The following RBFOX1 variants were observed in gnomAD, a reference collection of about 807,000 sequenced individuals.
RBFOX1 encodes the protein RNA binding fox-1 homolog 1.
A neutral mutation model predicts 57.7 loss-of-function variants in RBFOX1; 8 were observed. The observed-to-expected ratio is 0.14, with a 90% confidence interval of 0.08 to 0.25. RBFOX1 has a LOEUF of 0.25. RBFOX1 is among the 10% of genes least tolerant of loss of function. The pLI is 1.00. For missense variants in RBFOX1, 611 were observed against 548.5 expected (o/e 1.11, Z -1.14); for synonymous variants, 326 against 222.4 (o/e 1.47, Z -4.15).
chr16:5,352,411 A>G (rs537247165), intron 1 of RBFOX1, among the ~76,000 whole-genome samples: 1 of 152,330 alleles, frequency 6.6e-6, no homozygotes, highest in East Asian at 1.9e-4. Context: ...AGTTGCGGAC[A>G]TCTACAATGA....
intron 3 of RBFOX1, among the ~76,000 whole-genome samples, chr16:6,847,127 G>A (rs931770813): frequency 6.6e-6 from 1 of 152,116 alleles, no homozygotes; most frequent in Non-Finnish European, 1.5e-5. Flanking sequence ...CTCAGAGATG[G>A]TTCATCCACT....
At chr16:6,331,655 A>G (rs1353715499) in intron 2 of RBFOX1, among the ~76,000 whole-genome samples, 1 of 149,412 alleles carries the variant, frequency 6.7e-6, no homozygotes, top group African/African-American at 2.5e-5. Flanking sequence ...TCTGTTTTCT[A>G]TTCAGTGTTG....
rs550105401 is a variant in RBFOX1, at chr16:7,139,837, T to C, written c.27+87739T>C. Among the ~76,000 whole-genome samples, 3 of 152,140 alleles carry C rather than the reference T, an allele frequency of 2.0e-5. No individual in the cohort carries two copies. The South Asian group carries it at 6.2e-4, about 32-fold the overall frequency. On this transcript the variant is annotated intron_variant, in intron 4 of 15. Transcript: ENST00000550418. The stretch of plus-strand genomic sequence containing the variant: ...TGGACAGAAGACAAGCATTCATGTC[T>C]TAAGGAATGAGGAATTGAGGAGGAA...
chr16:7,579,509 G>T (rs115278633), intron 5 of RBFOX1, among the ~76,000 whole-genome samples: 3,897 of 152,154 alleles, frequency 0.026, 177 homozygotes, highest in African/African-American at 0.089. Flanking sequence ...TTTATTGTCT[G>T]TGTTGCCCTC....
chr16:5,925,017 T>G (rs2058912664), intron 4 of RBFOX1, among the ~76,000 whole-genome samples: 1 of 152,216 alleles, frequency 6.6e-6, no homozygotes. Flanking sequence ...AGGGTCATCC[T>G]GTTATCTGAT....
intron 1 of RBFOX1, among the ~76,000 whole-genome samples, chr16:6,075,318 A>G (rs1187393140): frequency 6.6e-6 from 1 of 152,260 alleles, no homozygotes; most frequent in African/African-American, 2.4e-5. Context: ...TGGAAAATAA[A>G]TAGAGAAATA....
chr16:7,513,914 A>G (rs1318998541), intron 4 of RBFOX1, among the ~76,000 whole-genome samples: 1 of 152,112 alleles, frequency 6.6e-6, no homozygotes, highest in Non-Finnish European at 1.5e-5. Context: ...CTGTTTTTGC[A>G]CCATTTTCAA....
At chr16:6,334,322 A>G (rs766988643) in intron 2 of RBFOX1, among the ~76,000 whole-genome samples, 1 of 152,072 alleles carries the variant, frequency 6.6e-6, no homozygotes, top group African/African-American at 2.4e-5. Context: ...AGCCTGGGCA[A>G]CATGGTGAAA....
At chr16:7,135,149 T>C (rs1444200877) in intron 4 of RBFOX1, among the ~76,000 whole-genome samples, 1 of 152,162 alleles carries the variant, frequency 6.6e-6, no homozygotes, top group Non-Finnish European at 1.5e-5. Context: ...AATTTCTGAG[T>C]TCGTGTTTAT....
chr16:5,276,316 GA>G, intron 1 of RBFOX1, among the ~76,000 whole-genome samples: 1 of 152,116 alleles, frequency 6.6e-6, no homozygotes, highest in Admixed American at 6.5e-5. Context: ...AATCTACAGG[GA>G]ACTCTAATCA....
intron 4 of RBFOX1, among the ~76,000 whole-genome samples, chr16:7,465,915 C>A (rs984158088): frequency 6.6e-6 from 1 of 152,180 alleles, no homozygotes; most frequent in Non-Finnish European, 1.5e-5. Context: ...TCTCATGGTG[C>A]TTCTCTAAGC....
At chr16:6,884,965 C>A (rs1260796166) in intron 3 of RBFOX1, among the ~76,000 whole-genome samples, 1 of 152,268 alleles carries the variant, frequency 6.6e-6, no homozygotes, top group East Asian at 1.9e-4. Context: ...GAGACCGCAA[C>A]CCAGATCTAT....
chr16:5,697,008 A>G (rs4566172), intron 3 of RBFOX1, among the ~76,000 whole-genome samples: 144,612 of 152,246 alleles, frequency 0.95, 68,756 homozygotes, highest in Non-Finnish European at 0.96. Context: ...TGCCTCCTGG[A>G]TTGAAGCAAT....
At chr16:6,828,379 C>T (rs950075901) in intron 3 of RBFOX1, among the ~76,000 whole-genome samples, 1 of 152,134 alleles carries the variant, frequency 6.6e-6, no homozygotes, top group African/African-American at 2.4e-5. Flanking sequence ...CAAAAATTAA[C>T]TGGGCATGGT....
At chr16:5,599,282 T>C in exon 3 of RBFOX1, 1 of 644,368 alleles carries the variant, frequency 1.6e-6, no homozygotes, top group South Asian at 1.8e-5. Flanking sequence ...TGCGCCCTGG[T>C]GTGACGGCCC....
At chr16:5,365,796 A>G (rs753199561) in intron 1 of RBFOX1, 52 of 512,632 alleles carry the variant, frequency 1.0e-4, no homozygotes, top group South Asian at 2.4e-4. Flanking sequence ...CTGCCACCCA[A>G]TGGAAGATTC....
chr16:7,482,216 G>C (rs767275635), intron 4 of RBFOX1, among the ~76,000 whole-genome samples: 2 of 152,214 alleles, frequency 1.3e-5, no homozygotes, highest in Non-Finnish European at 2.9e-5. Context: ...GCTGGGCACA[G>C]TGCCTGGTGC....
intron 2 of RBFOX1, among the ~76,000 whole-genome samples, chr16:5,587,123 A>T (rs976321571): frequency 5.9e-5 from 9 of 152,198 alleles, no homozygotes; most frequent in Non-Finnish European, 2.9e-5. Context: ...CATGACCAAG[A>T]TGCTTTAGGA....
At chr16:6,657,516 A>T (rs989009018) in intron 3 of RBFOX1, among the ~76,000 whole-genome samples, 2 of 152,000 alleles carry the variant, frequency 1.3e-5, no homozygotes, top group Admixed American at 1.3e-4. Context: ...AGCCAGAGTG[A>T]TTGCCGTCAG....
Sources: gnomAD v4.1 joint callset for allele counts (sites outside exome capture counted in the v4.1 genomes callset) on GRCh38, gnomAD v4.1.1 for gene constraint, MANE v1.5 for transcripts, NCBI Gene and HGNC (gene_info 2026-07-23, HGNC 2026-07-21) for gene names.